DPYSL3: variants seen among roughly 807,000 people sequenced by gnomAD.
The protein encoded by DPYSL3 is dihydropyrimidinase like 3, also known as dihydropyrimidinase-related protein 3.
DPYSL3 carries 16 observed loss-of-function variants against 66.1 expected under a neutral mutation model. That is an observed-to-expected ratio of 0.24 (90% CI 0.16 to 0.37). The LOEUF (loss-of-function observed/expected upper bound fraction) is 0.37, where lower values mean the gene tolerates loss of function less well. Ranked by LOEUF, DPYSL3 falls within the 10% of genes least tolerant of loss-of-function variation. The probability of loss-of-function intolerance (pLI) is 1.00; values close to 1 mark genes in which losing one functional copy is unlikely to be tolerated. For missense variants in DPYSL3, 738 were observed against 916.2 expected, an observed-to-expected ratio of 0.81 and a Z score of 2.51; for synonymous variants, 338 against 345.1, an observed-to-expected ratio of 0.98 and a Z score of 0.23.
At chr5:147,485,384 G>T (rs568865899) in intron 1 of DPYSL3, among the ~76,000 whole-genome samples, 14 of 152,042 alleles carry the variant, frequency 9.2e-5, no homozygotes, top group Non-Finnish European at 2.1e-4. Flanking sequence ...AGGGCCAAGC[G>T]ACTAAATAAA....
At chr5:147,399,488 A>G (rs1758108026) in intron 10 of DPYSL3, among the ~76,000 whole-genome samples, 1 of 152,178 alleles carries the variant, frequency 6.6e-6, no homozygotes, top group African/African-American at 2.4e-5. Context: ...CCCCTGAAGT[A>G]TGCATTTTTT....
intron 1 of DPYSL3, among the ~76,000 whole-genome samples, chr5:147,430,182 G>A (rs1341651026): frequency 2.6e-5 from 4 of 152,118 alleles, no homozygotes; most frequent in Middle Eastern, 3.4e-3. Context: ...GGAAGGGAGG[G>A]AGGAAAGGAG....
chr5:147,414,603 A>T (rs1751923826), intron 4 of DPYSL3, among the ~76,000 whole-genome samples: 1 of 152,240 alleles, frequency 6.6e-6, no homozygotes, highest in South Asian at 2.1e-4. Flanking sequence ...TACATTATCC[A>T]TGGAATGATC....
At chr5:147,495,141 T>C (rs1014021898) in intron 1 of DPYSL3, among the ~76,000 whole-genome samples, 4 of 152,162 alleles carry the variant, frequency 2.6e-5, no homozygotes, top group Non-Finnish European at 4.4e-5. Context: ...GAGTAAATTA[T>C]GCCGATTCTC....
intron 1 of DPYSL3, among the ~76,000 whole-genome samples, chr5:147,460,793 T>G (rs57287580): frequency 0.036 from 5,530 of 152,250 alleles, 344 homozygotes; most frequent in African/African-American, 0.12. Context: ...GAGCTAGTTT[T>G]CAGGCTTGCA....
intron 1 of DPYSL3, chr5:147,453,988 T>C (rs1752798430): frequency 5.2e-6 from 1 of 192,596 alleles, no homozygotes; most frequent in Non-Finnish European, 1.0e-5. Context: ...TCTTTCTTTT[T>C]TTTTTTTTTC....
chr5:147,405,737 GAA>G lies in DPYSL3; in HGVS notation c.1033-9_1033-8del. Reference sequence around the variant, plus strand: ...ACACAGCCTCAGCTTCCAGCTGCAAGAAAAAGTCTCCAGGAGTCAATAGAAAC... The same window carrying G: ...ACACAGCCTCAGCTTCCAGCTGCAAGAAAGTCTCCAGGAGTCAATAGAAAC... On this transcript the variant is annotated splice_region_variant and splice_polypyrimidine_tract_variant and intron_variant, in intron 7 of 13. Transcript: ENST00000343218. The G allele has an allele frequency of 6.2e-7, 1 of 1,606,788 alleles. No homozygotes were observed. The highest frequency in any genetic ancestry group is 8.5e-7 in the Non-Finnish European group (1 of 1,177,466).
intron 1 of DPYSL3, among the ~76,000 whole-genome samples, chr5:147,497,964 CA>C (rs1447829618): frequency 6.6e-6 from 1 of 151,122 alleles, no homozygotes; most frequent in Non-Finnish European, 1.5e-5. Context: ...AATTTAAGTT[CA>C]GGGGTACAAG....
At chr5:147,496,057 A>G (rs1430936475) in intron 1 of DPYSL3, among the ~76,000 whole-genome samples, 1 of 152,226 alleles carries the variant, frequency 6.6e-6, no homozygotes, top group Non-Finnish European at 1.5e-5. Context: ...AGAGATATAG[A>G]CCAATGGAAC....
intron 2 of DPYSL3, among the ~76,000 whole-genome samples, chr5:147,419,282 T>C (rs1281307126): frequency 6.6e-6 from 1 of 152,126 alleles, no homozygotes; most frequent in Non-Finnish European, 1.5e-5. Flanking sequence ...ATGGTCAGTG[T>C]CCCAGTAGAA....
intron 1 of DPYSL3, among the ~76,000 whole-genome samples, chr5:147,501,188 C>T (rs1357731357): frequency 2.0e-5 from 3 of 152,058 alleles, no homozygotes; most frequent in Non-Finnish European, 4.4e-5. Flanking sequence ...GTGCATGTCA[C>T]CAAGTGAAAG....
intron 1 of DPYSL3, among the ~76,000 whole-genome samples, chr5:147,486,716 G>A (rs1213384584): frequency 1.3e-5 from 2 of 152,076 alleles, no homozygotes; most frequent in South Asian, 2.1e-4. Flanking sequence ...TGTTGGGTCC[G>A]TAAGTGGATG....
At chr5:147,448,413 A>T (rs1270328539) in intron 1 of DPYSL3, among the ~76,000 whole-genome samples, 1 of 152,188 alleles carries the variant, frequency 6.6e-6, no homozygotes, top group Non-Finnish European at 1.5e-5. Flanking sequence ...AACAACAAAA[A>T]AGTTTTTATA....
intron 6 of DPYSL3, among the ~76,000 whole-genome samples, chr5:147,411,466 G>C (rs1177412731): frequency 6.6e-6 from 1 of 152,148 alleles, no homozygotes; most frequent in Non-Finnish European, 1.5e-5. Context: ...TCACCTTAGG[G>C]GCAAAGATTT....
rs530661312 is a variant in DPYSL3 at position 147,438,503 on chromosome 5, T to C, written c.382-13540A>G. Among the ~76,000 whole-genome samples, 249 of 152,328 alleles carry C rather than the reference T, an allele frequency of 1.6e-3. 3 individuals are homozygous for C. The highest frequency in any genetic ancestry group is 5.4e-3 in the African/African-American group (225 of 41,584). On this transcript the variant is annotated intron_variant, in intron 1 of 13. Transcript: ENST00000343218. ...CTCATACTAGGCACCTCCTGGAATG[T>C]ATTCAAGACCGCTTACTATCGGCAA...
Position 147,509,510 on chromosome 5 carries a change from C to G in DPYSL3, c.349G>C (p.Glu117Gln), listed in dbSNP as rs917150193. ...TTGGGGCCGAGGTTCTGCAACACCT[C>G]TTTGCCGGTGGCGCTCCGGATCTCT... The part of the protein sequence containing the change: ...GVEIRSATGK[E>Q]VLQNLGPKDK... Residue 117 changes from glutamate to glutamine, a missense_variant, in exon 1 of 14, where the codon GAG becomes CAG. Physicochemically the swap from Glu to Gln is conservative, Grantham distance 29. Transcript: ENST00000343218. The surrounding 1 kb of genome is among the most constrained non-coding windows in gnomAD (Gnocchi z 5.3). The G allele has an allele frequency of 2.1e-5, 32 of 1,532,684 alleles. No homozygotes were observed. The Admixed American group carries it at 5.5e-4, about 26-fold the overall frequency. The allele number at this position is 1,532,684 out of a possible 1,614,324, so 94.9% of individuals were successfully genotyped here.
rs774304174 is a variant in DPYSL3 at position 147,418,524 on chromosome 5, G to T, written c.578C>A (p.Pro193Gln). Reference sequence around the variant, plus strand: ...ATCTACTGTGGTCATTCCCTTATATGGCATCTGGAAGTGAGTATGGACATC... The same window carrying T: ...ATCTACTGTGGTCATTCCCTTATATTGCATCTGGAAGTGAGTATGGACATC... ...GIDVHTHFQM[P>Q]YKGMTTVDDF... Residue 193 changes from proline (P) to glutamine (Q), a missense_variant, in exon 3 of 14, where the codon CCA becomes CAA. By Grantham distance (76) the Pro-to-Gln change is moderately conservative. Coordinates refer to ENST00000343218, the MANE Select transcript of DPYSL3 (RefSeq NM_001197294.2). 2 of 1,613,524 alleles carry T rather than the reference G, an allele frequency of 1.2e-6. No homozygotes were observed. Among genetic ancestry groups the T allele is most frequent in the Admixed American group, 3.3e-5 (2 of 59,984 alleles).
At chr5:147,499,000 C>A (rs1051351503) in intron 1 of DPYSL3, among the ~76,000 whole-genome samples, 23 of 152,112 alleles carry the variant, frequency 1.5e-4, no homozygotes, top group Admixed American at 1.3e-4. Flanking sequence ...TTTGCCCGTG[C>A]CTATGACCTA....
At chr5:147,414,428 G>C (rs1053800688) in intron 4 of DPYSL3, among the ~76,000 whole-genome samples, 3 of 152,180 alleles carry the variant, frequency 2.0e-5, no homozygotes, top group African/African-American at 7.2e-5. Flanking sequence ...CTGGGGAACT[G>C]AGAATCATTT....
Sources: gnomAD v4.1 joint callset for allele counts (sites outside exome capture counted in the v4.1 genomes callset) on GRCh38, gnomAD v4.1.1 for gene constraint, Gnocchi (gnomAD v3.1) non-coding constraint, MANE v1.5 for transcripts, NCBI Gene and HGNC (gene_info 2026-07-23, HGNC 2026-07-21) for gene names.